ECPAS: variants seen among roughly 807,000 people sequenced by gnomAD.
ECPAS encodes Ecm29 proteasome adaptor and scaffold, also known as proteasome adapter and scaffold protein ECM29.
Under a neutral mutation model 255.1 loss-of-function variants are expected in ECPAS, and 70 were observed. The observed-to-expected ratio is 0.27, with a 90% CI of 0.23 to 0.33. The LOEUF is 0.33. ECPAS is among the 10% of genes least tolerant of loss of function. The pLI is 1.00. For missense variants in ECPAS, 1,817 were observed against 2,206.4 expected (o/e 0.82, Z 3.54); for synonymous variants, 784 against 775.0 (o/e 1.01, Z -0.19).
At chr9:111,449,614 C>CA (rs1003576058) in intron 3 of ECPAS, among the ~76,000 whole-genome samples, 97 of 151,050 alleles carry the variant, frequency 6.4e-4, no homozygotes, top group African/African-American at 1.9e-3. Context: ...TACAAAGAAA[C>CA]AAAAAAAAAT....
intron 18 of ECPAS, 54 bp downstream of exon 18, chr9:111,416,218 G>T: frequency 7.6e-7 from 1 of 1,322,424 alleles, no homozygotes. Flanking sequence ...TGGGTGTGGT[G>T]TGATCTTTTT....
At chr9:111,466,685 G>C (rs1025096391) in intron 2 of ECPAS, among the ~76,000 whole-genome samples, 2 of 151,338 alleles carry the variant, frequency 1.3e-5, no homozygotes, top group Non-Finnish European at 2.9e-5. Context: ...GGGTTCTGCT[G>C]TTGCCCAAGC....
chr9:111,430,931 G>A (rs963870329), intron 8 of ECPAS, among the ~76,000 whole-genome samples: 3 of 152,158 alleles, frequency 2.0e-5, no homozygotes, highest in Admixed American at 6.5e-5. Context: ...TGGGTTCTCA[G>A]GCCAATGGCA....
intron 32 of ECPAS, 50 bp downstream of exon 32, chr9:111,386,327 G>T (rs746729847): frequency 8.3e-7 from 1 of 1,198,014 alleles, no homozygotes; most frequent in African/African-American, 1.5e-5. Flanking sequence ...ATTTTGAAGG[G>T]AAAAAAATTC....
chr9:111,412,146 A>C lies in ECPAS; in HGVS notation c.2082T>G (p.Ser694Arg). 1 of 1,569,266 alleles carries C rather than the reference A, an allele frequency of 6.4e-7. No homozygotes were observed. The highest frequency in any genetic ancestry group is 8.6e-7 in the Non-Finnish European group (1 of 1,167,192). ...KFVDKTEWIK[S>R]LMNNSKEEMR... is the part of the protein sequence containing the mutation. ...TTTCTTCTTTACTGTTATTCATCAG[A>C]CTCTGAGCAGTATAAAAAAAAAACA... The change falls in exon 21 of 50, where the codon AGT becomes AGG. Residue 694 changes from serine (S) to arginine (R), a missense_variant and splice_region_variant. This residue lies in a region of ECPAS where 573 missense variants were observed against 716.2 expected (regional missense o/e 0.80). Coordinates refer to ENST00000684092, the MANE Select transcript of ECPAS (RefSeq NM_001364929.1).
At position 111,361,899 on chromosome 9, in the gene ECPAS, CTTTTT is replaced by C. The variant is rs1257034703; in HGVS notation, c.*126_*130del. 7.2e-5 allele frequency: 80 copies of C among 1,110,372 alleles called. No homozygotes were observed. Among genetic ancestry groups the C allele is most frequent in the Non-Finnish European group, 9.6e-5 (78 of 811,464 alleles). 68.8% of individuals were successfully genotyped at this position (1,110,372 alleles called of 1,614,324 possible). A position where few individuals can be genotyped will look rare whatever the true frequency, so the allele number is the denominator to read the frequency against. ...TAAGGAACAAAATTTAAGGCTTTTT[CTTTTT>C]ATTTCAGCCAAGGAATGATGCATGC... On this transcript the variant is annotated 3_prime_UTR_variant, in exon 50 of 50. Coordinates refer to ENST00000684092, the MANE Select transcript of ECPAS (RefSeq NM_001364929.1).
chr9:111,366,029 G>A (rs1297344639), intron 48 of ECPAS: 12 of 516,306 alleles, frequency 2.3e-5, no homozygotes, highest in East Asian at 6.1e-5. Context: ...TACTTGTCAC[G>A]AAGGTTTTTC....
intron 24 of ECPAS, among the ~76,000 whole-genome samples, chr9:111,403,579 T>G (rs144501583): frequency 6.7e-6 from 1 of 149,740 alleles, no homozygotes; most frequent in South Asian, 2.1e-4. Flanking sequence ...TAAATATATA[T>G]GCAAACACTA....
At chr9:111,409,908 CTTT>C in intron 23 of ECPAS, 130 bp downstream of exon 23, 1 of 695,990 alleles carries the variant, frequency 1.4e-6, no homozygotes, top group Non-Finnish European at 2.4e-6. Flanking sequence ...AGACTTGCTT[CTTT>C]ATCACCCATT....
chr9:111,377,977 T>C (rs943638344), intron 36 of ECPAS, among the ~76,000 whole-genome samples: 1 of 151,968 alleles, frequency 6.6e-6, no homozygotes, highest in Non-Finnish European at 1.5e-5. Context: ...AAACCCTGTC[T>C]CTACTAAAAA....
rs772352366 is a variant in ECPAS, at chr9:111,392,818, A to G, written c.3042T>C (p.Asp1014=). 1 of 1,613,608 alleles carries G rather than the reference A, an allele frequency of 6.2e-7. No individual in the cohort carries two copies. The highest frequency in any genetic ancestry group is 8.5e-7 in the Non-Finnish European group (1 of 1,179,786). Reference sequence around the variant, plus strand: ...CAAGTGTAGAAACCAATTCCTGTTGATCTTGTTCATTGCCTAGTTCATAAA... The same window carrying G: ...CAAGTGTAGAAACCAATTCCTGTTGGTCTTGTTCATTGCCTAGTTCATAAA... ...GLVYELGNEQ[D]QQELVSTLVE... is the part of the protein sequence containing the mutation. The change falls in exon 28 of 50, where the codon GAT becomes GAC. Residue 1014 remains aspartate (D), a synonymous_variant. Coordinates refer to ENST00000684092, the MANE Select transcript of ECPAS (RefSeq NM_001364929.1).
chr9:111,456,270 T>C (rs1428721709), intron 2 of ECPAS, among the ~76,000 whole-genome samples: 2 of 152,230 alleles, frequency 1.3e-5, no homozygotes, highest in East Asian at 3.8e-4. Flanking sequence ...GAAAGATTTG[T>C]ACTGGACTGA....
At chr9:111,455,496 A>G (rs180983565) in intron 2 of ECPAS, among the ~76,000 whole-genome samples, 78 of 152,304 alleles carry the variant, frequency 5.1e-4, no homozygotes, top group African/African-American at 1.8e-3. Flanking sequence ...AAAAAGAAAG[A>G]AAGAAAGAAA....
chr9:111,457,475 A>G (rs1304540713), intron 2 of ECPAS, among the ~76,000 whole-genome samples: 3 of 152,208 alleles, frequency 2.0e-5, no homozygotes. Flanking sequence ...TAGGACAGGA[A>G]GGCCATCTCT....
chr9:111,448,861 A>G (rs1043137884), intron 3 of ECPAS, among the ~76,000 whole-genome samples: 4 of 152,240 alleles, frequency 2.6e-5, no homozygotes, highest in African/African-American at 7.2e-5. Flanking sequence ...GCACATCAAC[A>G]TAACTATTAC....
intron 1 of ECPAS, among the ~76,000 whole-genome samples, chr9:111,475,552 T>C (rs561827276): frequency 1.8e-4 from 27 of 152,256 alleles, no homozygotes; most frequent in South Asian, 1.0e-3. Context: ...CTGGCCAACA[T>C]TGTGAAACCC....
intron 24 of ECPAS, 133 bp downstream of exon 24, chr9:111,408,438 C>T: frequency 1.7e-6 from 1 of 579,302 alleles, no homozygotes; most frequent in South Asian, 2.4e-5. Flanking sequence ...AAAACTAGTA[C>T]TCAAGTATCT....
chr9:111,385,280 TTAA>T, intron 33 of ECPAS, 54 bp downstream of exon 33: 4 of 871,030 alleles, frequency 4.6e-6, no homozygotes, highest in Non-Finnish European at 7.1e-6. Flanking sequence ...CATAAATATT[TTAA>T]TAATTCCAAT....
At position 111,420,139 on chromosome 9, in the gene ECPAS, TAC is replaced by T. The variant is rs1259462030; in HGVS notation, c.1456-21_1456-20del. The T allele has an allele frequency of 1.3e-6, 2 of 1,545,900 alleles. No homozygotes were observed. Among genetic ancestry groups the T allele is most frequent in the Admixed American group, 1.7e-5 (1 of 58,922 alleles). On this transcript the variant is annotated intron_variant, in intron 15 of 49. Coordinates refer to ENST00000684092, the MANE Select transcript of ECPAS (RefSeq NM_001364929.1). ...CTTCAGGCTATTTCATGTGTAAACA[TAC>T]ACAGACCACCCCGATCCGAAAAAGG...
Sources: gnomAD v4.1 joint callset for allele counts (sites outside exome capture counted in the v4.1 genomes callset) on GRCh38, gnomAD v4.1.1 for gene constraint, gnomAD v4.1.1 regional missense constraint, MANE v1.5 for transcripts, NCBI Gene and HGNC (gene_info 2026-07-23, HGNC 2026-07-21) for gene names.